The following TENT4A variants were observed in gnomAD, a reference collection of about 807,000 sequenced individuals.
The protein encoded by TENT4A is terminal nucleotidyltransferase 4A, also known as DNA polymerase kappa.
TENT4A carries 7 observed loss-of-function variants against 72.8 expected under a neutral mutation model. The ratio of observed to expected loss-of-function variants is 0.10; its 90% CI spans 0.05 to 0.18. TENT4A has a LOEUF of 0.18. Ranked by LOEUF, TENT4A falls within the 10% of genes least tolerant of loss-of-function variation. The pLI is 1.00. For synonymous variants in TENT4A, 456 were observed against 434.3 expected (o/e 1.05, Z -0.62); for missense variants, 831 against 1,017.7 (o/e 0.82, Z 2.50).
At chr5:6,736,680 C>T (rs1471908649) in intron 1 of TENT4A, among the ~76,000 whole-genome samples, 2 of 152,242 alleles carry the variant, frequency 1.3e-5, no homozygotes, top group Non-Finnish European at 2.9e-5. Flanking sequence ...CAGGGCTGAC[C>T]TCAGCTCTTG....
chr5:6,738,865 A>G, intron 3 of TENT4A, 136 bp downstream of exon 3: 8 of 700,428 alleles, frequency 1.1e-5, no homozygotes. Context: ...CTGTGGTTAC[A>G]GAGGGAAATT....
chr5:6,735,381 C>G (rs747023787), intron 1 of TENT4A, among the ~76,000 whole-genome samples: 2 of 152,172 alleles, frequency 1.3e-5, no homozygotes, highest in Non-Finnish European at 2.9e-5. Context: ...TAGGACTGTC[C>G]CTAGCTCTCT....
At chr5:6,748,798 C>A (rs1436109791) in intron 8 of TENT4A, among the ~76,000 whole-genome samples, 1 of 152,130 alleles carries the variant, frequency 6.6e-6, no homozygotes, top group African/African-American at 2.4e-5. Flanking sequence ...AAATTTCTTT[C>A]TTGGAGATTT....
At chr5:6,734,538 T>TG (rs1741373128) in intron 1 of TENT4A, among the ~76,000 whole-genome samples, 1 of 152,280 alleles carries the variant, frequency 6.6e-6, no homozygotes, top group South Asian at 2.1e-4. Context: ...TCTGACTCCG[T>TG]CATCCAAGAG....
rs1466605671 is a variant in TENT4A at position 6,737,423 on chromosome 5, T to C, written c.717-87T>C. ...CTGAATTTCGTGGCCAGAAATATGT[T>C]TGAGCGTCATCCTGATGTAAGAACA... On this transcript the variant is annotated intron_variant, in intron 1 of 12. Coordinates refer to ENST00000230859, the MANE Select transcript of TENT4A (RefSeq NM_006999.6). 4 of 1,232,364 alleles carry C rather than the reference T, an allele frequency of 3.2e-6. No homozygotes were observed. In the African/African-American group the frequency reaches 6.1e-5, roughly 19 times the overall value. 76.3% of individuals were successfully genotyped at this position (1,232,364 alleles called of 1,614,324 possible). A position where few individuals can be genotyped will look rare whatever the true frequency, so the allele number is the denominator to read the frequency against.
intron 1 of TENT4A, among the ~76,000 whole-genome samples, chr5:6,733,917 AT>A (rs995941992): frequency 3.3e-5 from 5 of 152,220 alleles, no homozygotes; most frequent in African/African-American, 1.2e-4. Context: ...AAATGTTTAC[AT>A]TTTTAAAGGG....
intron 1 of TENT4A, among the ~76,000 whole-genome samples, chr5:6,717,437 C>A (rs1216895808): frequency 6.6e-6 from 1 of 152,228 alleles, no homozygotes; most frequent in Non-Finnish European, 1.5e-5. Context: ...CATGTGGCAA[C>A]CCTCACTGTT....
chr5:6,722,552 T>TTG (rs1554006594), intron 1 of TENT4A, among the ~76,000 whole-genome samples: 5 of 150,032 alleles, frequency 3.3e-5, no homozygotes, highest in Non-Finnish European at 7.4e-5. Context: ...TGTTAGTTTT[T>TTG]TTTTTTTTTT....
At chr5:6,754,674 A>AGG (rs1742592512) in intron 12 of TENT4A, 77 bp from the exon 13 acceptor site, 1 of 1,175,034 alleles carries the variant, frequency 8.5e-7, no homozygotes, top group Non-Finnish European at 1.2e-6. Flanking sequence ...GTCGGTGCTT[A>AGG]GTGTGGTCAC....
At chr5:6,726,849 A>G (rs1015959702) in intron 1 of TENT4A, among the ~76,000 whole-genome samples, 23 of 152,006 alleles carry the variant, frequency 1.5e-4, no homozygotes, top group Non-Finnish European at 3.4e-4. Flanking sequence ...TTGCTTGAGG[A>G]TCCGGATATA....
chr5:6,729,342 C>T (rs1013996521), intron 1 of TENT4A, among the ~76,000 whole-genome samples: 1 of 152,204 alleles, frequency 6.6e-6, no homozygotes, highest in Admixed American at 6.5e-5. Flanking sequence ...TGTAGTGTCC[C>T]AGGATATTAA....
rs1742642081 is a variant in TENT4A at position 6,755,417 on chromosome 5, T to C, written c.*472T>C. 2 of 153,568 alleles carry C rather than the reference T, an allele frequency of 1.3e-5. No homozygotes were observed. Among genetic ancestry groups the C allele is most frequent in the South Asian group, 2.1e-4 (1 of 4,842 alleles). The allele number at this position is 153,568 out of a possible 1,614,324, so 9.5% of individuals were successfully genotyped here. On this transcript the variant is annotated 3_prime_UTR_variant, in exon 13 of 13. Transcript: ENST00000230859. ...TTGAAATTTCAGAACTGTTTTTCTA[T>C]GTAAATATTGAAAACTTATGATTTG...
At chr5:6,752,768 A>G (rs1044425072) in intron 11 of TENT4A, 105 bp from the exon 12 acceptor site, 10 of 916,518 alleles carry the variant, frequency 1.1e-5, no homozygotes, top group Admixed American at 4.2e-5. Flanking sequence ...CCCACATGCA[A>G]CTGTGCCATT....
chr5:6,726,857 A>G (rs1049215456), intron 1 of TENT4A, among the ~76,000 whole-genome samples: 3 of 152,150 alleles, frequency 2.0e-5, no homozygotes, highest in Non-Finnish European at 2.9e-5. Flanking sequence ...GGATCCGGAT[A>G]TAGACTGAGG....
At chr5:6,740,951 T>G (rs1741770542) in intron 4 of TENT4A, among the ~76,000 whole-genome samples, 1 of 152,160 alleles carries the variant, frequency 6.6e-6, no homozygotes. Context: ...AGAGGTGAGG[T>G]CATTAGCCCA....
At chr5:6,723,535 G>A (rs1177727498) in intron 1 of TENT4A, among the ~76,000 whole-genome samples, 11 of 152,200 alleles carry the variant, frequency 7.2e-5, no homozygotes, top group Non-Finnish European at 1.5e-5. Flanking sequence ...ACGTGACCTG[G>A]CAAGAGGTGC....
At position 6,748,878 on chromosome 5, in the gene TENT4A, T is replaced by G. The variant is rs540616735; in HGVS notation, c.1586+288T>G. Among the ~76,000 whole-genome samples the G allele has an allele frequency of 9.2e-5, 14 of 152,320 alleles. 1 individual carries two copies. In the South Asian group the frequency reaches 2.5e-3, roughly 27 times the overall value. ...CTTTTAAAATTCAGTCCCTACCATC[T>G]TCTCTTATGTACACTCGTCCCTTGT... On this transcript the variant is annotated intron_variant, in intron 8 of 12. Coordinates refer to ENST00000230859, the MANE Select transcript of TENT4A (RefSeq NM_006999.6).
intron 1 of TENT4A, among the ~76,000 whole-genome samples, chr5:6,727,989 C>T (rs1208563751): frequency 6.6e-6 from 1 of 152,210 alleles, no homozygotes; most frequent in Non-Finnish European, 1.5e-5. Flanking sequence ...CTCTCTCACT[C>T]GCTCATACTT....
In TENT4A at chr5:6,755,966, T is replaced by C. The variant is rs1048510280; in HGVS notation, c.*1021T>C. On this transcript the variant is annotated 3_prime_UTR_variant, in exon 13 of 13. Coordinates refer to ENST00000230859, the MANE Select transcript of TENT4A (RefSeq NM_006999.6). Reference sequence around the variant, plus strand: ...GTGATGATGGGTCTGGTGACTATTATTGCGGACCGTGGTACCCAGTTTTAG... The same window carrying C: ...GTGATGATGGGTCTGGTGACTATTACTGCGGACCGTGGTACCCAGTTTTAG... 2 of 152,268 alleles carry C rather than the reference T, an allele frequency of 1.3e-5. No homozygotes were observed. The highest frequency in any genetic ancestry group is 1.3e-4 in the Admixed American group (2 of 15,294). 9.4% of individuals were successfully genotyped at this position (152,268 alleles called of 1,614,324 possible). A position where few individuals can be genotyped will look rare whatever the true frequency, so the allele number is the denominator to read the frequency against.
Sources: allele counts gnomAD v4.1 joint callset (sites outside exome capture counted in the v4.1 genomes callset), GRCh38; gene constraint gnomAD v4.1.1; transcripts MANE v1.5; gene names NCBI Gene and HGNC (gene_info 2026-07-23, HGNC 2026-07-21).